The following SSBP3 variants were observed in gnomAD, a reference collection of about 807,000 sequenced individuals.
The protein encoded by SSBP3 is single stranded DNA binding protein 3, also known as single-stranded DNA-binding protein 3.
SSBP3 carries 5 observed loss-of-function variants against 69.6 expected under a neutral mutation model. The observed-to-expected ratio is 0.07, with a 90% confidence interval of 0.04 to 0.15. The LOEUF is 0.15. Ranked by LOEUF, SSBP3 falls within the 10% of genes least tolerant of loss-of-function variation. SSBP3 has a pLI of 1.00. For missense variants in SSBP3, 312 were observed against 534.0 expected (o/e 0.58, Z 4.10); for synonymous variants, 196 against 193.4 (o/e 1.01, Z -0.11).
chr1:54,284,771 A>C (rs961472310), intron 4 of SSBP3, among the ~76,000 whole-genome samples: 4 of 151,540 alleles, frequency 2.6e-5, no homozygotes, highest in Admixed American at 1.3e-4. Flanking sequence ...GTCTGGCCTA[A>C]AAAAAAAATT....
intron 4 of SSBP3, among the ~76,000 whole-genome samples, chr1:54,327,801 C>T (rs928852503): frequency 6.6e-6 from 1 of 152,176 alleles, no homozygotes; most frequent in African/African-American, 2.4e-5. Context: ...CTGTGGGCTA[C>T]ACTCATCTGT....
At chr1:54,314,715 G>T (rs980648941) in intron 4 of SSBP3, among the ~76,000 whole-genome samples, 5 of 152,188 alleles carry the variant, frequency 3.3e-5, no homozygotes, top group African/African-American at 1.2e-4. Flanking sequence ...TCTTTTTGTG[G>T]AACTGGTCTC....
At chr1:54,243,375 C>A in intron 9 of SSBP3, 76 bp from the exon 10 acceptor site, 5 of 1,522,724 alleles carry the variant, frequency 3.3e-6, no homozygotes, top group East Asian at 4.5e-5. Flanking sequence ...AACAAACAGA[C>A]AAAACATAGT....
At chr1:54,390,190 A>T (rs1304806158) in intron 4 of SSBP3, among the ~76,000 whole-genome samples, 1 of 152,206 alleles carries the variant, frequency 6.6e-6, no homozygotes, top group Admixed American at 6.5e-5. Flanking sequence ...GGGTCTGAAC[A>T]CATAGTAAGT....
At chr1:54,303,214 T>G (rs1181773631) in intron 4 of SSBP3, among the ~76,000 whole-genome samples, 1 of 152,160 alleles carries the variant, frequency 6.6e-6, no homozygotes, top group South Asian at 2.1e-4. Context: ...AGAGATGAGC[T>G]TGGGGTGGGG....
At chr1:54,408,514 T>C (rs1649910041), upstream of SSBP3, among the ~76,000 whole-genome samples, 1 of 152,178 alleles carries the variant, frequency 6.6e-6, no homozygotes, top group East Asian at 1.9e-4. Flanking sequence ...AGTATCGGTT[T>C]GGTCCTGGCT....
chr1:54,404,743 A>G (rs987794182), intron 2 of SSBP3, 106 bp from the exon 3 acceptor site: 31 of 1,371,472 alleles, frequency 2.3e-5, no homozygotes, highest in Non-Finnish European at 3.2e-5. Flanking sequence ...AAATGCCAAA[A>G]GGTGATAAAA....
Position 54,258,329 on chromosome 1 carries a change from A to G in SSBP3, c.367-180T>C, listed in dbSNP as rs901709800. Among the ~76,000 whole-genome samples, 4 of 151,366 alleles carry G rather than the reference A, an allele frequency of 2.6e-5. No individual in the cohort carries two copies. Among genetic ancestry groups the G allele is most frequent in the Admixed American group, 6.6e-5 (1 of 15,216 alleles). ...CTTTGGTCGCCGGCTCAACGGTGTA[A>G]AACGGCGAGCGGGAGCGAGAGAAGC... is the stretch of plus-strand genomic sequence containing the variant. On this transcript the variant is annotated intron_variant, in intron 5 of 17. Coordinates refer to ENST00000610401, the Ensembl canonical transcript of SSBP3. This position sits in a 1 kb window ranked among gnomAD's most constrained non-coding sequence, Gnocchi z 4.5.
At chr1:54,376,166 G>A (rs1209246903) in intron 4 of SSBP3, among the ~76,000 whole-genome samples, 4 of 147,532 alleles carry the variant, frequency 2.7e-5, no homozygotes, top group East Asian at 4.1e-4. Context: ...CCTCCACCCT[G>A]TTCACTCGTG....
chr1:54,393,375 C>T (rs1379290962), intron 4 of SSBP3, among the ~76,000 whole-genome samples: 1 of 152,200 alleles, frequency 6.6e-6, no homozygotes, highest in Admixed American at 6.5e-5. Context: ...TGATGGTTCA[C>T]GCTTCACAGG....
chr1:54,327,162 G>C (rs929901456), intron 4 of SSBP3, among the ~76,000 whole-genome samples: 1 of 151,660 alleles, frequency 6.6e-6, no homozygotes, highest in African/African-American at 2.4e-5. Context: ...GGGGTGCTCT[G>C]AGGGTGCAGA....
In SSBP3 at chr1:54,317,902, A is replaced by T. The variant is rs1646143061; in HGVS notation, c.277-36375T>A. ...TGCCTCAGCCTCCTGAGTAGCTGGG[A>T]TTACAGCTGCCTGCCACCACGCCTG... On this transcript the variant is annotated intron_variant, in intron 4 of 17. Coordinates refer to ENST00000610401, the Ensembl canonical transcript of SSBP3. Among the ~76,000 whole-genome samples, 4 of 152,096 alleles carry T rather than the reference A, an allele frequency of 2.6e-5. No individual in the cohort carries two copies. In the South Asian group the frequency reaches 8.3e-4, roughly 32 times the overall value.
chr1:54,250,246 C>A (rs1376797284), intron 9 of SSBP3, among the ~76,000 whole-genome samples: 3 of 152,260 alleles, frequency 2.0e-5, no homozygotes, highest in Admixed American at 2.0e-4. Context: ...ATTGGAGCTG[C>A]AACTGCTGTG....
In SSBP3 at chr1:54,405,867, CCCGCCCGCCCGCCCACCTGCCTCCCA is replaced by C. The variant is rs1350683740; in HGVS notation, c.56+60_56+85del. On this transcript the variant is annotated intron_variant, in intron 1 of 17. Transcript: ENST00000610401. ...CCCGAGGGCGCAGCAGCCTCCGGCC[CCCGCCCGCCCGCCCACCTGCCTCCCA>C]CCGCCCGCCCGCCCGCAGCCCGGCG... 6.4e-4 allele frequency: 71 copies of C among 111,210 alleles called. 2 individuals carry two copies. The South Asian group carries it at 0.014, about 21-fold the overall frequency. The allele number at this position is 111,210 out of a possible 1,614,324, so 6.9% of individuals were successfully genotyped here.
At chr1:54,363,801 C>T (rs2100645212) in intron 4 of SSBP3, among the ~76,000 whole-genome samples, 1 of 152,340 alleles carries the variant, frequency 6.6e-6, no homozygotes, top group South Asian at 2.1e-4. Context: ...TAGAGACTTT[C>T]CTTAATCGGA....
intron 4 of SSBP3, among the ~76,000 whole-genome samples, chr1:54,347,927 T>C (rs990927923): frequency 6.6e-6 from 1 of 152,218 alleles, no homozygotes; most frequent in African/African-American, 2.4e-5. Context: ...TTTGTGGTAC[T>C]TTGTTACTGC....
At chr1:54,381,855 G>A (rs151215196) in intron 4 of SSBP3, among the ~76,000 whole-genome samples, 182 of 152,368 alleles carry the variant, frequency 1.2e-3, no homozygotes, top group African/African-American at 4.3e-3. Context: ...TGCCTTCCTA[G>A]GGGACAAGTC....
upstream of SSBP3, among the ~76,000 whole-genome samples, chr1:54,409,441 C>T (rs148021698): frequency 6.6e-6 from 1 of 152,004 alleles, no homozygotes; most frequent in East Asian, 1.9e-4. Flanking sequence ...ATCTCCAGCA[C>T]ACAGCGCAGG....
chr1:54,228,546 G>A (rs1387364302), intron 15 of SSBP3, 69 bp from the exon 16 acceptor site: 64 of 1,595,706 alleles, frequency 4.0e-5, no homozygotes, highest in Non-Finnish European at 5.1e-5. Flanking sequence ...CCCTCGTCCT[G>A]GGCTCCTCGG....
Sources: gnomAD v4.1 joint callset for allele counts (sites outside exome capture counted in the v4.1 genomes callset) on GRCh38, gnomAD v4.1.1 for gene constraint, Gnocchi (gnomAD v3.1) non-coding constraint, MANE v1.5 for transcripts, NCBI Gene and HGNC (gene_info 2026-07-23, HGNC 2026-07-21) for gene names.